Variants in RIMS1 observed in about 807,000 individuals in gnomAD.
RIMS1 encodes the protein regulating synaptic membrane exocytosis protein 1.
In RIMS1, 83 loss-of-function variants were observed where a neutral mutation model predicts 214.1. The observed-to-expected ratio is 0.39, with a 90% confidence interval of 0.32 to 0.47. The LOEUF (loss-of-function observed/expected upper bound fraction) is 0.47, where lower values mean the gene tolerates loss of function less well. Ranked by LOEUF, RIMS1 falls within the 20% of genes least tolerant of loss-of-function variation. The probability of loss-of-function intolerance (pLI) is 0.99; values close to 1 mark genes in which losing one functional copy is unlikely to be tolerated. For synonymous variants in RIMS1, 793 were observed against 786.8 expected (o/e 1.01, Z -0.13); for missense variants, 2,050 against 2,161.8 (o/e 0.95, Z 1.03).
chr6:72,310,152 T>G (rs549896825), intron 27 of RIMS1, among the ~76,000 whole-genome samples: 2 of 152,222 alleles, frequency 1.3e-5, no homozygotes, highest in South Asian at 4.1e-4. Flanking sequence ...TTAGTTGAAA[T>G]TTATGCCAAG....
At chr6:72,138,370 A>G (rs868503559) in intron 4 of RIMS1, among the ~76,000 whole-genome samples, 7 of 152,202 alleles carry the variant, frequency 4.6e-5, no homozygotes, top group South Asian at 2.1e-4. Flanking sequence ...TCTCCCCAAT[A>G]AAATCCCTTA....
rs1232600850 is a variant in RIMS1, at chr6:72,243,241, G to GA, written c.2081+810dup. On this transcript the variant is annotated intron_variant, in intron 10 of 33. Coordinates refer to ENST00000521978, the MANE Select transcript of RIMS1 (RefSeq NM_014989.7). ...CCATTATTTCAAGGCTTTTTATGTT[G>GA]AAAAAATGCTAACCTTTAATTTGTA... Among the ~76,000 whole-genome samples, 18 of 151,262 alleles carry GA rather than the reference G, an allele frequency of 1.2e-4. No individual in the cohort carries two copies. In the East Asian group the frequency reaches 3.5e-3, roughly 29 times the overall value.
intron 2 of RIMS1, among the ~76,000 whole-genome samples, chr6:72,082,878 A>G (rs1214059989): frequency 2.0e-5 from 3 of 152,200 alleles, no homozygotes; most frequent in Non-Finnish European, 4.4e-5. Context: ...GGGACATTGC[A>G]CTTCTCATTT....
intron 4 of RIMS1, among the ~76,000 whole-genome samples, chr6:72,121,149 T>C (rs1441736373): frequency 6.6e-6 from 1 of 151,892 alleles, no homozygotes; most frequent in Non-Finnish European, 1.5e-5. Flanking sequence ...CTTTTTCAGT[T>C]CCATAAGAAC....
chr6:72,036,839 A>C (rs1341106937), intron 2 of RIMS1, among the ~76,000 whole-genome samples: 1 of 152,200 alleles, frequency 6.6e-6, no homozygotes, highest in Non-Finnish European at 1.5e-5. Flanking sequence ...GTTGTTCTCA[A>C]GCTAGAAATG....
chr6:72,017,500 T>A (rs1411277234), intron 2 of RIMS1, among the ~76,000 whole-genome samples: 1 of 152,184 alleles, frequency 6.6e-6, no homozygotes, highest in Non-Finnish European at 1.5e-5. Context: ...GAACTGATAT[T>A]AAAAATAAAG....
intron 4 of RIMS1, among the ~76,000 whole-genome samples, chr6:72,160,624 T>C (rs569445801): frequency 2.8e-5 from 4 of 141,254 alleles, no homozygotes; most frequent in African/African-American, 9.8e-5. Flanking sequence ...ATGCCTTTTC[T>C]GCATCTATTG....
chr6:72,023,317 A>G lies in RIMS1; in HGVS notation c.245+54254A>G, dbSNP rs1207052918. On this transcript the variant is annotated intron_variant, in intron 2 of 33. Coordinates refer to ENST00000521978, the MANE Select transcript of RIMS1 (RefSeq NM_014989.7). ...TGTCATACTTACGTGTTGTAAATAAATAGCACAGTAGCTTTCTAATGTAAT... is the reference window on the plus strand; with the variant it reads ...TGTCATACTTACGTGTTGTAAATAAGTAGCACAGTAGCTTTCTAATGTAAT... 2.6e-5 allele frequency among the ~76,000 whole-genome samples: 4 copies of G among 152,286 alleles called. 1 individual carries two copies. In the East Asian group the frequency reaches 7.7e-4, roughly 29 times the overall value.
At chr6:72,058,694 C>T (rs1309532453) in intron 2 of RIMS1, among the ~76,000 whole-genome samples, 2 of 152,170 alleles carry the variant, frequency 1.3e-5, no homozygotes, top group African/African-American at 4.8e-5. Flanking sequence ...GGTCTGTGGA[C>T]CCATTCAGAG....
chr6:72,174,953 A>G (rs888278330), intron 4 of RIMS1, among the ~76,000 whole-genome samples: 1 of 152,148 alleles, frequency 6.6e-6, no homozygotes, highest in East Asian at 1.9e-4. Flanking sequence ...ACATACCCAC[A>G]TACACCCACC....
chr6:72,106,143 AAT>A, intron 4 of RIMS1, among the ~76,000 whole-genome samples: 1 of 152,302 alleles, frequency 6.6e-6, no homozygotes, highest in Non-Finnish European at 1.5e-5. Flanking sequence ...GTATATATGC[AAT>A]AGTTTTTTCA....
At chr6:72,317,206 C>T (rs1019196724) in intron 28 of RIMS1, 5 of 311,942 alleles carry the variant, frequency 1.6e-5, no homozygotes, top group Non-Finnish European at 3.1e-5. Flanking sequence ...GAAGCCCTCA[C>T]GGGGTGGCAG....
chr6:72,337,666 T>G (rs909322166), intron 29 of RIMS1, among the ~76,000 whole-genome samples: 19 of 151,658 alleles, frequency 1.3e-4, no homozygotes, highest in African/African-American at 4.3e-4. Flanking sequence ...TGTATACATG[T>G]GCCATGTTGG....
intron 4 of RIMS1, among the ~76,000 whole-genome samples, chr6:72,150,009 A>G (rs575146681): frequency 6.6e-6 from 1 of 152,284 alleles, no homozygotes; most frequent in East Asian, 1.9e-4. Flanking sequence ...GAATGAGGTT[A>G]CACTGACAAT....
At chr6:72,038,848 G>GTTAC (rs1361123619) in intron 2 of RIMS1, among the ~76,000 whole-genome samples, 1 of 152,176 alleles carries the variant, frequency 6.6e-6, no homozygotes, top group Non-Finnish European at 1.5e-5. Context: ...ATTTCTTCAA[G>GTTAC]TTACCATAAT....
intron 23 of RIMS1, among the ~76,000 whole-genome samples, chr6:72,276,700 T>C (rs146026273): frequency 1.5e-4 from 23 of 152,294 alleles, no homozygotes; most frequent in Non-Finnish European, 5.9e-5. Flanking sequence ...TAGAGAATTA[T>C]TTACAATACA....
chr6:72,266,406 G>A (rs1356040737), intron 22 of RIMS1: 1 of 303,516 alleles, frequency 3.3e-6, no homozygotes, highest in Non-Finnish European at 6.4e-6. Context: ...TATCCGAAGG[G>A]GAGGATCACT....
intron 29 of RIMS1, among the ~76,000 whole-genome samples, chr6:72,356,872 G>C (rs1161904078): frequency 1.3e-5 from 2 of 152,070 alleles, no homozygotes; most frequent in African/African-American, 4.8e-5. Flanking sequence ...TAGTATAAAA[G>C]AGCATTCTTC....
Position 72,051,863 on chromosome 6 carries a change from G to GT in RIMS1, c.246-45077dup, listed in dbSNP as rs370931762. Among the ~76,000 whole-genome samples the GT allele has an allele frequency of 8.3e-3, 1,238 of 149,616 alleles. 10 individuals are homozygous for GT. The highest frequency in any genetic ancestry group is 0.027 in the African/African-American group (1,092 of 40,810). On this transcript the variant is annotated intron_variant, in intron 2 of 33. Coordinates refer to ENST00000521978, the MANE Select transcript of RIMS1 (RefSeq NM_014989.7). Reference sequence around the variant, plus strand: ...TATATAATTTAGTGCCCATTTAGCTGTTTTTTTTTCAATTTAGTACACCCA... The same window carrying GT: ...TATATAATTTAGTGCCCATTTAGCTGTTTTTTTTTTCAATTTAGTACACCCA...
Sources: gnomAD v4.1 joint callset for allele counts (sites outside exome capture counted in the v4.1 genomes callset) on GRCh38, gnomAD v4.1.1 for gene constraint, MANE v1.5 for transcripts, NCBI Gene and HGNC (gene_info 2026-07-23, HGNC 2026-07-21) for gene names.